Variants in OARD1 observed in about 807,000 individuals in gnomAD.
OARD1 encodes the protein ADP-ribose glycohydrolase OARD1.
In OARD1, 19 loss-of-function variants were observed where a neutral mutation model predicts 19.7. That is an observed-to-expected ratio of 0.96 (90% confidence interval 0.67 to 1.41). OARD1 has a LOEUF of 1.41. Among genes scored for constraint, OARD1 ranks in the 40% most tolerant of loss-of-function variants. The pLI is 0.00. For missense variants in OARD1, 190 were observed against 183.8 expected (o/e 1.03, Z -0.20); for synonymous variants, 70 against 61.8 (o/e 1.13, Z -0.62).
At chr6:41,081,166 G>A (rs971044665) in intron 1 of OARD1, among the ~76,000 whole-genome samples, 1 of 152,194 alleles carries the variant, frequency 6.6e-6, no homozygotes, top group African/African-American at 2.4e-5. Context: ...TAAGTGACAG[G>A]AAGAAATTCT....
rs144840571 is a variant in OARD1 at position 41,068,586 on chromosome 6, C to T, written c.356+255G>A. ...ACAAATGTAGCTGAATGACAATGGTCGCTCTCTGCTAAGCAGGCTGAGGCA... is the reference window on the plus strand; with the variant it reads ...ACAAATGTAGCTGAATGACAATGGTTGCTCTCTGCTAAGCAGGCTGAGGCA... On this transcript the variant is annotated intron_variant, in intron 5 of 5. Coordinates refer to ENST00000424266, the MANE Select transcript of OARD1 (RefSeq NM_001329686.2). Among the ~76,000 whole-genome samples the T allele has an allele frequency of 3.9e-5, 6 of 152,326 alleles. No individual in the cohort carries two copies. The East Asian group carries it at 5.8e-4, about 15-fold the overall frequency.
intron 1 of OARD1, among the ~76,000 whole-genome samples, chr6:41,089,017 G>A (rs1164649824): frequency 1.3e-5 from 2 of 151,880 alleles, no homozygotes; most frequent in African/African-American, 2.4e-5. Context: ...ACGGAATCTC[G>A]CTCTGTCGCC....
chr6:41,068,438 T>G (rs1207285174), intron 5 of OARD1, among the ~76,000 whole-genome samples: 1 of 152,194 alleles, frequency 6.6e-6, no homozygotes, highest in African/African-American at 2.4e-5. Flanking sequence ...TGACGCAAAG[T>G]AATAGGTTTG....
At chr6:41,074,437 A>T (rs902551258), upstream of OARD1, among the ~76,000 whole-genome samples, 2 of 152,214 alleles carry the variant, frequency 1.3e-5, no homozygotes, top group African/African-American at 4.8e-5. Context: ...TAGTGCTATA[A>T]AGGGGCCAAG....
intron 1 of OARD1, chr6:41,092,789 AAG>A: frequency 1.1e-6 from 1 of 911,334 alleles, no homozygotes; most frequent in Admixed American, 2.7e-5. Context: ...GCATTTACCC[AAG>A]TACCCTATAA....
At chr6:41,074,424 G>T (rs1763670270), upstream of OARD1, among the ~76,000 whole-genome samples, 1 of 152,188 alleles carries the variant, frequency 6.6e-6, no homozygotes. Context: ...AATACCTAAC[G>T]GTTAGTGCTA....
chr6:41,095,691 A>G (rs1764333738), intron 1 of OARD1, among the ~76,000 whole-genome samples: 1 of 152,196 alleles, frequency 6.6e-6, no homozygotes, highest in Non-Finnish European at 1.5e-5. Flanking sequence ...TTGGCCTCCC[A>G]AAGTGCTAGG....
intron 1 of OARD1, among the ~76,000 whole-genome samples, chr6:41,096,559 G>A (rs1411779727): frequency 1.3e-5 from 2 of 152,214 alleles, no homozygotes; most frequent in East Asian, 1.9e-4. Flanking sequence ...GGTGAGTTCA[G>A]TAAATGCTAG....
chr6:41,095,780 G>A (rs1764336584), intron 1 of OARD1, among the ~76,000 whole-genome samples: 1 of 152,126 alleles, frequency 6.6e-6, no homozygotes, highest in Admixed American at 6.5e-5. Flanking sequence ...TTTCAAGATT[G>A]TTTCCTTCAC....
intron 2 of OARD1, 150 bp downstream of exon 2, chr6:41,071,446 C>A: frequency 1.0e-6 from 1 of 971,248 alleles, no homozygotes; most frequent in Non-Finnish European, 1.6e-6. Flanking sequence ...AATGGATGAT[C>A]CCTGCCTAGA....
intron 1 of OARD1, among the ~76,000 whole-genome samples, chr6:41,093,628 G>A (rs552687683): frequency 3.3e-5 from 5 of 152,160 alleles, no homozygotes; most frequent in Middle Eastern, 3.4e-3. Flanking sequence ...GCGCCACCAC[G>A]CCCAGCTTAT....
At chr6:41,070,647 G>GA (rs1763289445) in intron 3 of OARD1, among the ~76,000 whole-genome samples, 1 of 152,214 alleles carries the variant, frequency 6.6e-6, no homozygotes. Flanking sequence ...CTAAGGCTAA[G>GA]AATCACTGTG....
At chr6:41,071,953 TTCTCCAGGGCC>T in intron 1 of OARD1, 1 of 387,624 alleles carries the variant, frequency 2.6e-6, no homozygotes, top group South Asian at 3.8e-5. Context: ...GCCTCCTCCT[TTCTCCAGGGCC>T]ACTCCGGAGC....
At chr6:41,091,157 A>G (rs1764188820) in intron 1 of OARD1, among the ~76,000 whole-genome samples, 1 of 152,230 alleles carries the variant, frequency 6.6e-6, no homozygotes, top group African/African-American at 2.4e-5. Flanking sequence ...TTTGAGATAA[A>G]CAAAGTATAA....
chr6:41,064,876 T>C lies in OARD1; in HGVS notation c.*2459A>G, dbSNP rs933779962. On this transcript the variant is annotated 3_prime_UTR_variant, in exon 6 of 6. Coordinates refer to ENST00000424266, the MANE Select transcript of OARD1 (RefSeq NM_001329686.2). ...ATTTAAAAGTATTCAATACATGGTG[T>C]TTGATGGTAATGGCAGGATGATGTC... 5.3e-5 allele frequency: 8 copies of C among 152,134 alleles called. No homozygotes were observed. In the East Asian group the frequency reaches 1.5e-3, roughly 29 times the overall value. The allele number at this position is 152,134 out of a possible 1,614,324, so 9.4% of individuals were successfully genotyped here.
chr6:41,074,562 G>A (rs547584536), upstream of OARD1, among the ~76,000 whole-genome samples: 2 of 152,236 alleles, frequency 1.3e-5, no homozygotes, highest in Non-Finnish European at 2.9e-5. Flanking sequence ...AAAGATGGAA[G>A]AGCTTGCTCG....
chr6:41,072,843 C>G (rs1156517380), upstream of OARD1: 2 of 152,948 alleles, frequency 1.3e-5, no homozygotes, highest in Non-Finnish European at 2.9e-5. Flanking sequence ...CTTCAGGGAA[C>G]GCCTGCGCGT....
chr6:41,079,288 T>C (rs1763841772), intron 1 of OARD1: 1 of 851,378 alleles, frequency 1.2e-6, no homozygotes, highest in Admixed American at 2.1e-5. Flanking sequence ...ATATTGGGTC[T>C]GATGGCTTGT....
Position 41,067,361 on chromosome 6 carries a change from T to C in OARD1, c.433A>G (p.Ile145Val). The change falls in exon 6 of 6, where the codon ATC becomes GTC. Residue 145 changes from isoleucine to valine, a missense_variant. Ile to Val is a conservative substitution (Grantham distance 29, BLOSUM62 3). Coordinates refer to ENST00000424266, the MANE Select transcript of OARD1 (RefSeq NM_001329686.2). ...CAGAGTGTGTACACAGTAATTTTGATGTCTGTTGCCTCAAATACCTCCTCG... is the reference window on the plus strand; with the variant it reads ...CAGAGTGTGTACACAGTAATTTTGACGTCTGTTGCCTCAAATACCTCCTCG... ...MIEEVFEATDIKITVYTL is the reference protein window; with the variant it reads ...MIEEVFEATDVKITVYTL 1.2e-6 allele frequency: 2 copies of C among 1,612,152 alleles called. No homozygotes were observed. The highest frequency in any genetic ancestry group is 1.3e-5 in the African/African-American group (1 of 75,016).
Sources: gnomAD v4.1 joint callset for allele counts (sites outside exome capture counted in the v4.1 genomes callset) on GRCh38, gnomAD v4.1.1 for gene constraint, MANE v1.5 for transcripts, NCBI Gene and HGNC (gene_info 2026-07-23, HGNC 2026-07-21) for gene names.